Variants in PKD2L2 observed in about 807,000 individuals in gnomAD.
PKD2L2 encodes the protein polycystin 2 like 2, transient receptor potential cation channel.
PKD2L2 carries 67 observed loss-of-function variants against 83.9 expected under a neutral mutation model. The ratio of observed to expected loss-of-function variants is 0.80; its 90% confidence interval spans 0.66 to 0.98. The LOEUF is 0.98. Among genes scored for constraint, PKD2L2 ranks in the 50% least tolerant of loss-of-function variants. PKD2L2 has a pLI of 0.00. For missense variants in PKD2L2, 632 were observed against 717.2 expected, an observed-to-expected ratio of 0.88 and a Z score of 1.36; for synonymous variants, 223 against 237.8, an observed-to-expected ratio of 0.94 and a Z score of 0.57.
At chr5:137,889,664 C>G (rs1755766257) in intron 1 of PKD2L2, 142 bp downstream of exon 1, 2 of 656,890 alleles carry the variant, frequency 3.0e-6, no homozygotes, top group South Asian at 5.2e-5. Context: ...CCTGGGGAAG[C>G]GGAGAGGGAC....
intron 4 of PKD2L2, among the ~76,000 whole-genome samples, chr5:137,895,472 T>TAAAAAAA (rs756004179): frequency 1.5e-5 from 1 of 65,854 alleles, no homozygotes; most frequent in African/African-American, 5.7e-5. Flanking sequence ...ACCTTGTCCC[T>TAAAAAAA]AAAAAAAAAA....
intron 14 of PKD2L2, chr5:137,941,915 A>G: frequency 6.5e-7 from 1 of 1,546,614 alleles, no homozygotes; most frequent in Non-Finnish European, 8.9e-7. Context: ...GAGAAGAAAG[A>G]TGACTCAATT....
chr5:137,901,435 CATTG>C (rs1756950886), intron 5 of PKD2L2, among the ~76,000 whole-genome samples: 2 of 151,692 alleles, frequency 1.3e-5, no homozygotes, highest in African/African-American at 2.4e-5. Flanking sequence ...CCACAAAGAA[CATTG>C]ATTAATAAGG....
chr5:137,895,270 C>G (rs1441766528), intron 4 of PKD2L2, among the ~76,000 whole-genome samples: 3 of 151,884 alleles, frequency 2.0e-5, no homozygotes, highest in Non-Finnish European at 2.9e-5. Context: ...GAGTTCGAGA[C>G]TAGTCTGGGC....
At chr5:137,921,546 A>T in intron 8 of PKD2L2, 90 bp from the exon 9 acceptor site, 8 of 774,502 alleles carry the variant, frequency 1.0e-5, no homozygotes, top group Non-Finnish European at 1.7e-5. Context: ...ATATGCTGCT[A>T]GATATCCTCT....
intron 14 of PKD2L2, chr5:137,938,995 C>T (rs1181400567): frequency 6.6e-6 from 1 of 152,068 alleles, no homozygotes; most frequent in Non-Finnish European, 1.5e-5. Flanking sequence ...AATGAAGTCA[C>T]CATTCTGTAA....
chr5:137,916,756 C>T (rs899566244), intron 8 of PKD2L2, among the ~76,000 whole-genome samples: 3 of 152,078 alleles, frequency 2.0e-5, no homozygotes, highest in Admixed American at 1.3e-4. Flanking sequence ...GGATTACAGG[C>T]GTGAGCCACT....
chr5:137,892,878 C>T (rs184006000), intron 3 of PKD2L2, among the ~76,000 whole-genome samples: 60 of 152,184 alleles, frequency 3.9e-4, no homozygotes, highest in African/African-American at 1.3e-3. Context: ...GAGGCCAAGG[C>T]GGGTGGATCA....
At chr5:137,904,091 C>T (rs904718137) in intron 5 of PKD2L2, among the ~76,000 whole-genome samples, 1 of 152,160 alleles carries the variant, frequency 6.6e-6, no homozygotes, top group African/African-American at 2.4e-5. Flanking sequence ...TGATTTTAAT[C>T]TCAGCACAAG....
At chr5:137,934,013 A>C (rs1760097439) in intron 12 of PKD2L2, among the ~76,000 whole-genome samples, 1 of 152,210 alleles carries the variant, frequency 6.6e-6, no homozygotes, top group Non-Finnish European at 1.5e-5. Context: ...ATTATTCATC[A>C]GTTAAGAGTT....
At position 137,925,930 on chromosome 5, in the gene PKD2L2, G is replaced by A; in HGVS notation, c.1671+1G>A. The A allele has an allele frequency of 1.3e-6, 2 of 1,577,606 alleles. No homozygotes were observed. Among genetic ancestry groups the A allele is most frequent in the South Asian group, 1.1e-5 (1 of 88,748 alleles). Reference sequence around the variant, plus strand: ...CAGAAGAGAAGGCTTTGACGAAAATGTAAGATTTTAATTTTTTTCATAAAC... The same window carrying A: ...CAGAAGAGAAGGCTTTGACGAAAATATAAGATTTTAATTTTTTTCATAAAC... On this transcript the variant is annotated splice_donor_variant, in intron 12 of 14. Coordinates refer to ENST00000508883, the MANE Select transcript of PKD2L2 (RefSeq NM_001300921.2). LOFTEE classifies it high-confidence loss of function.
At chr5:137,917,158 TTTTC>T (rs1404597921) in intron 8 of PKD2L2, among the ~76,000 whole-genome samples, 3 of 89,972 alleles carry the variant, frequency 3.3e-5, no homozygotes, top group Middle Eastern at 5.7e-3. Flanking sequence ...ATCTGTTCAC[TTTTC>T]TTTTTTTTTT....
chr5:137,924,076 A>G (rs1311298567), intron 10 of PKD2L2, among the ~76,000 whole-genome samples: 1 of 152,172 alleles, frequency 6.6e-6, no homozygotes, highest in Non-Finnish European at 1.5e-5. Flanking sequence ...AATACTTTAA[A>G]TTCTAACTGC....
At chr5:137,892,329 A>G (rs1329732950) in intron 2 of PKD2L2, 151 bp from the exon 3 acceptor site, 5 of 399,208 alleles carry the variant, frequency 1.3e-5, no homozygotes, top group African/African-American at 6.2e-5. Flanking sequence ...CCTACTTTTT[A>G]TATTTCTAGT....
intron 13 of PKD2L2, 105 bp from the exon 14 acceptor site, chr5:137,936,215 G>C: frequency 1.0e-6 from 1 of 972,446 alleles, no homozygotes; most frequent in Non-Finnish European, 1.5e-6. Context: ...CATGTTTTAG[G>C]AGCTTACAAT....
intron 8 of PKD2L2, among the ~76,000 whole-genome samples, chr5:137,910,806 A>AAT (rs1757772070): frequency 6.6e-6 from 1 of 150,994 alleles, no homozygotes. Context: ...AAAAAAAAAA[A>AAT]GCTGGATGAC....
At chr5:137,898,500 A>G (rs1342069462) in intron 4 of PKD2L2, among the ~76,000 whole-genome samples, 2 of 152,298 alleles carry the variant, frequency 1.3e-5, no homozygotes, top group East Asian at 3.9e-4. Context: ...AAGAAAAAAA[A>G]CAGTCGTCAT....
intron 12 of PKD2L2, among the ~76,000 whole-genome samples, chr5:137,930,664 T>TAA (rs554720958): frequency 1.3e-4 from 11 of 84,678 alleles, no homozygotes; most frequent in Non-Finnish European, 1.9e-4. Context: ...AGACTCCATC[T>TAA]AAAAAAAAAA....
chr5:137,941,548 G>C (rs1001902898), intron 14 of PKD2L2, among the ~76,000 whole-genome samples: 1 of 152,122 alleles, frequency 6.6e-6, no homozygotes, highest in Non-Finnish European at 1.5e-5. Flanking sequence ...TCAACACACA[G>C]TATGAACACA....
Sources: gnomAD v4.1 joint callset for allele counts (sites outside exome capture counted in the v4.1 genomes callset) on GRCh38, gnomAD v4.1.1 for gene constraint, MANE v1.5 for transcripts, NCBI Gene and HGNC (gene_info 2026-07-23, HGNC 2026-07-21) for gene names.